Variants in DENND1A observed in about 807,000 individuals in gnomAD.
The protein encoded by DENND1A is DENN domain containing 1A.
In DENND1A, 51 loss-of-function variants were observed where a neutral mutation model predicts 113.7. The observed-to-expected ratio is 0.45, with a 90% CI of 0.36 to 0.57. The LOEUF (loss-of-function observed/expected upper bound fraction) is 0.57. DENND1A is among the 20% of genes least tolerant of loss of function. The pLI is 0.00. For synonymous variants in DENND1A, 565 were observed against 570.8 expected (o/e 0.99, Z 0.14); for missense variants, 1,258 against 1,395.9 (o/e 0.90, Z 1.57).
intron 6 of DENND1A, among the ~76,000 whole-genome samples, chr9:123,674,839 CTCTT>C (rs954167258): frequency 1.6e-5 from 2 of 127,714 alleles, no homozygotes; most frequent in Admixed American, 7.7e-5. Flanking sequence ...GAGTTTTTTT[CTCTT>C]TTTTTTTTTT....
At chr9:123,468,976 C>T (rs1453216999) in intron 13 of DENND1A, among the ~76,000 whole-genome samples, 2 of 152,194 alleles carry the variant, frequency 1.3e-5, no homozygotes, top group African/African-American at 4.8e-5. Context: ...GCCTAAGGTC[C>T]CAGGGCTCAT....
chr9:123,832,712 T>A (rs1394432198), intron 2 of DENND1A, among the ~76,000 whole-genome samples: 3 of 152,318 alleles, frequency 2.0e-5, no homozygotes, highest in Non-Finnish European at 4.4e-5. Context: ...CACACAAGGA[T>A]AATCTCACAA....
chr9:123,881,271 T>C (rs191089265), intron 1 of DENND1A, among the ~76,000 whole-genome samples: 10 of 152,348 alleles, frequency 6.6e-5, no homozygotes, highest in Admixed American at 3.9e-4. Context: ...TCTTGGCATC[T>C]TTGGCATATG....
chr9:123,406,470 A>G (rs1198759473), intron 20 of DENND1A, among the ~76,000 whole-genome samples: 1 of 152,220 alleles, frequency 6.6e-6, no homozygotes, highest in African/African-American at 2.4e-5. Context: ...GAATTAGAAG[A>G]TGAGTTTTAG....
intron 4 of DENND1A, among the ~76,000 whole-genome samples, chr9:123,766,548 T>C (rs557181002): frequency 6.6e-6 from 1 of 152,332 alleles, no homozygotes; most frequent in South Asian, 2.1e-4. Context: ...CCTCGTTTCC[T>C]TCCTTTCCTT....
At position 123,732,057 on chromosome 9, in the gene DENND1A, G is replaced by A. The variant is rs113606281; in HGVS notation, c.302+25646C>T. ...GAATAGCTAAAATGCTTGTGAGTAC[G>A]TGGGACAACTGGAACTCTGACACCT... On this transcript the variant is annotated intron_variant, in intron 5 of 23. Coordinates refer to ENST00000394215, the MANE Select transcript of DENND1A (RefSeq NM_001352964.2). Among the ~76,000 whole-genome samples, 18 of 152,332 alleles carry A rather than the reference G, an allele frequency of 1.2e-4. 1 individual carries two copies. The highest frequency in any genetic ancestry group is 2.2e-4 in the African/African-American group (9 of 41,574).
intron 2 of DENND1A, among the ~76,000 whole-genome samples, chr9:123,808,922 T>C (rs1836071296): frequency 6.6e-6 from 1 of 152,120 alleles, no homozygotes; most frequent in Non-Finnish European, 1.5e-5. Context: ...TCTATCTCTC[T>C]CACAACATTC....
chr9:123,876,302 C>T (rs748545468), intron 2 of DENND1A, among the ~76,000 whole-genome samples: 5 of 152,070 alleles, frequency 3.3e-5, no homozygotes, highest in South Asian at 2.1e-4. Context: ...TGCATGATTC[C>T]GGATTGGATT....
chr9:123,691,529 C>T (rs185580586), intron 5 of DENND1A, among the ~76,000 whole-genome samples: 372 of 149,984 alleles, frequency 2.5e-3, no homozygotes, highest in Non-Finnish European at 4.2e-3. Flanking sequence ...AGCGGGGTGT[C>T]TCTTTGTGTG....
chr9:123,879,170 T>C (rs1315176924), intron 1 of DENND1A, 149 bp from the exon 2 acceptor site: 1 of 685,962 alleles, frequency 1.5e-6, no homozygotes. Flanking sequence ...ACTATTTCTC[T>C]GAGACCATGC....
At chr9:123,411,971 G>A (rs932918382) in intron 19 of DENND1A, 142 bp from the exon 20 acceptor site, 9 of 289,088 alleles carry the variant, frequency 3.1e-5, no homozygotes, top group African/African-American at 1.6e-4. Flanking sequence ...CGCCCCCACT[G>A]TCCACCTTTT....
intron 18 of DENND1A, among the ~76,000 whole-genome samples, chr9:123,443,997 T>C (rs2047124274): frequency 6.6e-6 from 1 of 152,092 alleles, no homozygotes; most frequent in South Asian, 2.1e-4. Flanking sequence ...TTCTCTGTTC[T>C]ATCTCCTGGT....
At chr9:123,814,588 A>G (rs988947847) in intron 2 of DENND1A, among the ~76,000 whole-genome samples, 5 of 152,324 alleles carry the variant, frequency 3.3e-5, no homozygotes, top group Admixed American at 3.3e-4. Flanking sequence ...CAATAATAAT[A>G]CAAGTATTGT....
At chr9:123,564,980 CTTTTTTT>C (rs199613371) in intron 12 of DENND1A, among the ~76,000 whole-genome samples, 7 of 75,722 alleles carry the variant, frequency 9.2e-5, no homozygotes, top group South Asian at 4.6e-4. Context: ...TCTGTCCCTT[CTTTTTTT>C]TTTTTTTTTT....
chr9:123,512,717 A>T (rs2053561216), intron 13 of DENND1A, among the ~76,000 whole-genome samples: 1 of 152,234 alleles, frequency 6.6e-6, no homozygotes, highest in Admixed American at 6.5e-5. Flanking sequence ...GGCCGCCTTA[A>T]AGAACTGAAG....
intron 1 of DENND1A, among the ~76,000 whole-genome samples, chr9:123,918,963 G>A (rs556254146): frequency 6.2e-4 from 94 of 152,168 alleles, no homozygotes; most frequent in African/African-American, 2.2e-3. Context: ...AAATAAAGGG[G>A]ACAGAGGAAT....
intron 13 of DENND1A, among the ~76,000 whole-genome samples, chr9:123,507,365 T>G (rs748940075): frequency 6.6e-6 from 1 of 152,246 alleles, no homozygotes; most frequent in Non-Finnish European, 1.5e-5. Flanking sequence ...CTAAGTCATC[T>G]GATGTAGTAA....
intron 3 of DENND1A, among the ~76,000 whole-genome samples, chr9:123,772,432 T>G (rs1255854766): frequency 6.6e-6 from 1 of 152,186 alleles, no homozygotes; most frequent in Non-Finnish European, 1.5e-5. Context: ...CTCTAGAACT[T>G]GTGTCTTTGG....
chr9:123,686,839 T>C (rs2064840785), intron 5 of DENND1A, among the ~76,000 whole-genome samples: 1 of 152,178 alleles, frequency 6.6e-6, no homozygotes, highest in South Asian at 2.1e-4. Context: ...ATGCTTATGG[T>C]GACAATTAAG....
Sources: allele counts gnomAD v4.1 joint callset (sites outside exome capture counted in the v4.1 genomes callset), GRCh38; gene constraint gnomAD v4.1.1; transcripts MANE v1.5; gene names NCBI Gene and HGNC (gene_info 2026-07-23, HGNC 2026-07-21).